CXCL14: variants seen among roughly 807,000 people sequenced by gnomAD.
The protein encoded by CXCL14 is C-X-C motif chemokine 14.
In CXCL14, 9 loss-of-function variants were observed where a neutral mutation model predicts 16.1. That is an observed-to-expected ratio of 0.56 (90% CI 0.34 to 0.97). CXCL14 has a LOEUF of 0.97. Ranked by LOEUF, CXCL14 falls within the 50% of genes least tolerant of loss-of-function variation. The pLI is 0.02. For synonymous variants in CXCL14, 55 were observed against 52.8 expected (o/e 1.04, Z -0.18); for missense variants, 111 against 132.5 (o/e 0.84, Z 0.80).
Position 135,571,758 on chromosome 5 carries a change from TTTTTTTTTTTTTTTTTTTTTTTTTTTTA to T in CXCL14, c.*67_*94del. The T allele has an allele frequency of 3.2e-4, 28 of 86,666 alleles. No individual in the cohort carries two copies. In the East Asian group the frequency reaches 3.8e-3, roughly 12 times the overall value. The allele number at this position is 86,666 out of a possible 1,614,324, so 5.4% of individuals were successfully genotyped here. On this transcript the variant is annotated 3_prime_UTR_variant, in exon 4 of 4. Transcript: ENST00000512158. ...AAAGAAAGGCTTTTTTTTTTTTTTT[TTTTTTTTTTTTTTTTTTTTTTTTTTTTA>T]ATCTGCAAAGTCCTTTGCACAAGTC...
rs1751025271 is a variant in CXCL14 at position 135,571,435 on chromosome 5, G to A, written c.*418C>T. The A allele has an allele frequency of 6.0e-6, 1 of 167,164 alleles. No individual in the cohort carries two copies. 10.4% of individuals were successfully genotyped at this position (167,164 alleles called of 1,614,324 possible). A position where few individuals can be genotyped will look rare whatever the true frequency, so the allele number is the denominator to read the frequency against. ...GGACCTCTAAGCGGAAGCTTCCCAA[G>A]CTAGGAATGGAGCAACACTGCAATG... On this transcript the variant is annotated 3_prime_UTR_variant, in exon 4 of 4. Transcript: ENST00000512158.
At position 135,574,496 on chromosome 5, in the gene CXCL14, G is replaced by C. The variant is rs530604185; in HGVS notation, c.284+76C>G. On this transcript the variant is annotated intron_variant, in intron 3 of 3. Coordinates refer to ENST00000512158, the MANE Select transcript of CXCL14 (RefSeq NM_004887.5). ...ATATTAGATGGGGCTAGATGACCTG[G>C]TGGGGGGGTCCCTTCCCATCCTGAG... The C allele has an allele frequency of 1.0e-5, 12 of 1,166,426 alleles. No individual in the cohort carries two copies. In the South Asian group the frequency reaches 1.2e-4, roughly 11 times the overall value. The allele number at this position is 1,166,426 out of a possible 1,614,324, so 72.3% of individuals were successfully genotyped here. A position where few individuals can be genotyped will look rare whatever the true frequency, so the allele number is the denominator to read the frequency against.
chr5:135,578,618 A>G, intron 1 of CXCL14, 79 bp from the exon 2 acceptor site: 1 of 1,590,166 alleles, frequency 6.3e-7, no homozygotes, highest in South Asian at 1.1e-5. Context: ...CACCCAGACC[A>G]CCCCCCGCGG....
At chr5:135,577,029 C>T (rs539744033) in intron 2 of CXCL14, among the ~76,000 whole-genome samples, 10 of 152,238 alleles carry the variant, frequency 6.6e-5, no homozygotes, top group Admixed American at 5.9e-4. Flanking sequence ...TCCGTAAAGC[C>T]TTTCTCACAC....
intron 3 of CXCL14, among the ~76,000 whole-genome samples, chr5:135,572,784 A>G (rs1751046837): frequency 6.6e-6 from 1 of 152,186 alleles, no homozygotes; most frequent in Non-Finnish European, 1.5e-5. Context: ...GCCTGAGCCC[A>G]CCGTATACCC....
intron 2 of CXCL14, 144 bp downstream of exon 2, chr5:135,578,290 C>T: frequency 1.5e-6 from 1 of 682,996 alleles, no homozygotes; most frequent in South Asian, 1.8e-5. Context: ...GTCCTAAGGA[C>T]TCTCTGGGCA....
intron 2 of CXCL14, 137 bp from the exon 3 acceptor site, chr5:135,574,822 C>G (rs537937341): frequency 1.5e-6 from 1 of 685,676 alleles, no homozygotes; most frequent in Non-Finnish European, 2.6e-6. Flanking sequence ...AGGGAGCCGA[C>G]TTGTGTGCTC....
Position 135,574,682 on chromosome 5 carries a change from G to A in CXCL14, c.174C>T (p.Ile58=). 1 of 1,613,374 alleles carries A rather than the reference G, an allele frequency of 6.2e-7. No homozygotes were observed. The highest frequency in any genetic ancestry group is 8.5e-7 in the Non-Finnish European group (1 of 1,179,492). Residue 58 remains isoleucine (I), a synonymous_variant, in exon 3 of 4, where the codon ATC becomes ATT. Transcript: ENST00000512158. ...YPHCEEKMVI[I]TTKSVSRYRG... The stretch of plus-strand genomic sequence containing the variant: ...GGTACCTGGACACGCTCTTGGTGGT[G>A]ATGCTGAAACGGAGCAGGATGAGGT...
chr5:135,577,345 T>G (rs1434651112), intron 2 of CXCL14, among the ~76,000 whole-genome samples: 4 of 152,172 alleles, frequency 2.6e-5, no homozygotes, highest in African/African-American at 9.7e-5. Context: ...GTATTTTCTT[T>G]GAATTTGGTC....
chr5:135,570,805 G>A lies in CXCL14; in HGVS notation c.*1048C>T, dbSNP rs551582832. On this transcript the variant is annotated 3_prime_UTR_variant, in exon 4 of 4. Transcript: ENST00000512158. ...ACAGCAGTACAATGCGGCATATACT[G>A]GGGGGCAGTGTGTGGAGGGGGCGTT... 6.6e-6 allele frequency: 1 copy of A among 152,320 alleles called. No individual in the cohort carries two copies. The highest frequency in any genetic ancestry group is 1.5e-5 in the Non-Finnish European group (1 of 68,184). 9.4% of individuals were successfully genotyped at this position (152,320 alleles called of 1,614,324 possible). A position where few individuals can be genotyped will look rare whatever the true frequency, so the allele number is the denominator to read the frequency against.
In CXCL14 at chr5:135,577,707, C is replaced by T. The variant is rs898253875; in HGVS notation, c.170+727G>A. On this transcript the variant is annotated intron_variant, in intron 2 of 3. Coordinates refer to ENST00000512158, the MANE Select transcript of CXCL14 (RefSeq NM_004887.5). The stretch of plus-strand genomic sequence containing the variant: ...CAAGAGCATATTGATGAGGAGGCAG[C>T]GGTGCTGGCCTCAAGTGGTTAATTG... 4.6e-5 allele frequency among the ~76,000 whole-genome samples: 7 copies of T among 152,202 alleles called. No individual in the cohort carries two copies. The South Asian group carries it at 8.3e-4, about 18-fold the overall frequency.
At chr5:135,578,574 A>T (rs754785132) in intron 1 of CXCL14, 35 bp from the exon 2 acceptor site, 1 of 1,606,504 alleles carries the variant, frequency 6.2e-7, no homozygotes, top group South Asian at 1.1e-5. Context: ...CTTAGTTGCT[A>T]GGCGGTCTCC....
chr5:135,578,885 G>C lies in CXCL14; in HGVS notation c.-107C>G, dbSNP rs1247096845. 2 of 1,243,090 alleles carry C rather than the reference G, an allele frequency of 1.6e-6. No homozygotes were observed. The highest frequency in any genetic ancestry group is 2.1e-6 in the Non-Finnish European group (2 of 942,396). 77.0% of individuals were successfully genotyped at this position (1,243,090 alleles called of 1,614,324 possible). On this transcript the variant is annotated 5_prime_UTR_variant, in exon 1 of 4. Transcript: ENST00000512158. ...CAGCTCTGCTCGGCTTTCTCTGCCC[G>C]GGGCGCGCCTTCCGGCTCTGCTGGC...
In CXCL14 at chr5:135,578,975, C is replaced by T. The variant is rs1402793196; in HGVS notation, c.-197G>A. Reference sequence around the variant, plus strand: ...GCCGTGCGCTGCGCTCTGCGCTTGTCTCCGCGCTCTCTCCACAGCCTCCCT... The same window carrying T: ...GCCGTGCGCTGCGCTCTGCGCTTGTTTCCGCGCTCTCTCCACAGCCTCCCT... On this transcript the variant is annotated 5_prime_UTR_variant, in exon 1 of 4. Transcript: ENST00000512158. The T allele has an allele frequency of 1.1e-5, 6 of 565,234 alleles. No homozygotes were observed. The East Asian group carries it at 2.0e-4, about 19-fold the overall frequency. The allele number at this position is 565,234 out of a possible 1,614,324, so 35.0% of individuals were successfully genotyped here.
chr5:135,576,049 T>C (rs915028815), intron 2 of CXCL14, among the ~76,000 whole-genome samples: 1 of 152,204 alleles, frequency 6.6e-6, no homozygotes, highest in East Asian at 1.9e-4. Context: ...GCCACCAGAA[T>C]GGGGGCATAA....
At chr5:135,573,256 G>A (rs1028891610) in intron 3 of CXCL14, among the ~76,000 whole-genome samples, 7 of 152,240 alleles carry the variant, frequency 4.6e-5, no homozygotes, top group East Asian at 1.9e-4. Context: ...TGTGGACTGC[G>A]CAGTTCTGGC....
chr5:135,571,237 A>C lies in CXCL14; in HGVS notation c.*616T>G, dbSNP rs921015672. On this transcript the variant is annotated 3_prime_UTR_variant, in exon 4 of 4. Coordinates refer to ENST00000512158, the MANE Select transcript of CXCL14 (RefSeq NM_004887.5). ...TGTTTCCTAGGGTGTGTAAAAATTA[A>C]CCAGGGGGGAATGAAGCACATTTTT... 1 of 152,312 alleles carries C rather than the reference A, an allele frequency of 6.6e-6. No individual in the cohort carries two copies. The highest frequency in any genetic ancestry group is 2.4e-5 in the African/African-American group (1 of 41,440). The allele number at this position is 152,312 out of a possible 1,614,324, so 9.4% of individuals were successfully genotyped here. A position where few individuals can be genotyped will look rare whatever the true frequency, so the allele number is the denominator to read the frequency against.
intron 3 of CXCL14, 26 bp from the exon 4 acceptor site, chr5:135,571,894 G>A (rs1469506404): frequency 6.2e-7 from 1 of 1,612,706 alleles, no homozygotes; most frequent in Non-Finnish European, 8.5e-7. Flanking sequence ...ACATGTGTAA[G>A]TGGCTCAGGA....
rs1368803250 is a variant in CXCL14, at chr5:135,578,707, G to C, written c.64+8C>G. On this transcript the variant is annotated splice_region_variant and intron_variant, in intron 1 of 3. Coordinates refer to ENST00000512158, the MANE Select transcript of CXCL14 (RefSeq NM_004887.5). The stretch of plus-strand genomic sequence containing the variant: ...GAGACGGCGACAAGGGGAGCTCCCC[G>C]CACTCACCGTCCACACGCGCGGTGT... 4 of 1,551,450 alleles carry C rather than the reference G, an allele frequency of 2.6e-6. No homozygotes were observed. Among genetic ancestry groups the C allele is most frequent in the Middle Eastern group, 1.7e-4 (1 of 6,010 alleles).
Sources: allele counts gnomAD v4.1 joint callset (sites outside exome capture counted in the v4.1 genomes callset), GRCh38; gene constraint gnomAD v4.1.1; transcripts MANE v1.5; gene names NCBI Gene and HGNC (gene_info 2026-07-23, HGNC 2026-07-21).